Variants in PAX8 observed in about 807,000 individuals in gnomAD.
PAX8 encodes the protein paired box protein Pax-8.
PAX8 carries 15 observed loss-of-function variants against 52.4 expected under a neutral mutation model. The observed-to-expected ratio is 0.29, with a 90% CI of 0.19 to 0.44. The LOEUF is 0.44. Ranked by LOEUF, PAX8 falls within the 20% of genes least tolerant of loss-of-function variation. PAX8 has a pLI of 1.00. For missense variants in PAX8, 554 were observed against 602.5 expected, an observed-to-expected ratio of 0.92 and a Z score of 0.84; for synonymous variants, 284 against 249.7, an observed-to-expected ratio of 1.14 and a Z score of -1.29.
At chr2:113,242,900 C>T in intron 4 of PAX8, 122 bp from the exon 5 acceptor site, 1 of 737,770 alleles carries the variant, frequency 1.4e-6, no homozygotes, top group South Asian at 1.4e-5. Context: ...TGAAACTCAA[C>T]TGTCCACAGT....
chr2:113,277,031 A>G (rs1214366771), intron 2 of PAX8, among the ~76,000 whole-genome samples: 2 of 152,228 alleles, frequency 1.3e-5, no homozygotes, highest in African/African-American at 4.8e-5. Flanking sequence ...TCGTGGTTCC[A>G]GGACGCGGAC....
Position 113,246,867 on chromosome 2 carries a change from C to G in PAX8, c.78G>C (p.Leu26=). The G allele has an allele frequency of 6.2e-7, 1 of 1,614,190 alleles. No homozygotes were observed. Among genetic ancestry groups the G allele is most frequent in the Non-Finnish European group, 8.5e-7 (1 of 1,179,994 alleles). ...LGGAFVNGRP[L]PEVVRQRIVD... is the part of the protein sequence containing the mutation. ...CGATGCGCTGGCGGACCACTTCCGG[C>G]AGAGGTCTGCCATTCACAAAGGCCC... The change falls in exon 3 of 12, where the codon CTG becomes CTC. Residue 26 remains leucine (L), a synonymous_variant. Coordinates refer to ENST00000429538, the MANE Select transcript of PAX8 (RefSeq NM_003466.4).
intron 2 of PAX8, among the ~76,000 whole-genome samples, chr2:113,253,854 G>T (rs78540684): frequency 6.6e-6 from 1 of 152,084 alleles, no homozygotes; most frequent in Non-Finnish European, 1.5e-5. Context: ...GAGGAATTTT[G>T]GGGGGACTGG....
chr2:113,237,034 A>AGCGT, intron 7 of PAX8: 1 of 407,958 alleles, frequency 2.5e-6, no homozygotes, highest in Non-Finnish European at 4.5e-6. Context: ...GTTGGGACCC[A>AGCGT]CAGAATGCAG....
Position 113,230,171 on chromosome 2 carries a change from T to C in PAX8, c.1088-2915A>G, listed in dbSNP as rs145890970. ...CTGCCATGATCGGGGTGGGGAGCAG[T>C]GGGAGGTGGTCTTGACTCTCAGGTC... is the stretch of plus-strand genomic sequence containing the variant. On this transcript the variant is annotated intron_variant, in intron 9 of 11. Coordinates refer to ENST00000429538, the MANE Select transcript of PAX8 (RefSeq NM_003466.4). Among the ~76,000 whole-genome samples, 14 of 152,314 alleles carry C rather than the reference T, an allele frequency of 9.2e-5. No individual in the cohort carries two copies. In the East Asian group the frequency reaches 2.7e-3, roughly 29 times the overall value.
intron 7 of PAX8, chr2:113,241,173 A>G: frequency 5.3e-6 from 2 of 377,852 alleles, no homozygotes; most frequent in Non-Finnish European, 1.0e-5. Context: ...TGAGTGGCCA[A>G]AGGTGGGGCT....
intron 2 of PAX8, among the ~76,000 whole-genome samples, chr2:113,248,611 T>C (rs1244375114): frequency 6.6e-6 from 1 of 152,170 alleles, no homozygotes; most frequent in Non-Finnish European, 1.5e-5. Flanking sequence ...TGCCTTGCAA[T>C]GTCTCCTCAG....
chr2:113,265,194 C>T (rs571307939), intron 2 of PAX8, among the ~76,000 whole-genome samples: 9 of 152,104 alleles, frequency 5.9e-5, no homozygotes, highest in African/African-American at 1.9e-4. Flanking sequence ...ATAAAATCAC[C>T]GCAAAACCTG....
chr2:113,278,481 C>A lies in PAX8; in HGVS notation c.-75-12G>T, dbSNP rs1179229494. ...CGCCTGCCGCTGCCCTGCACAAACCCAGGAGAAGGGCATGAGATGCGATGA... is the reference window on the plus strand; with the variant it reads ...CGCCTGCCGCTGCCCTGCACAAACCAAGGAGAAGGGCATGAGATGCGATGA... On this transcript the variant is annotated splice_polypyrimidine_tract_variant and intron_variant, in intron 1 of 11. Transcript: ENST00000429538. The A allele has an allele frequency of 8.2e-6, 13 of 1,590,408 alleles. No individual in the cohort carries two copies. The highest frequency in any genetic ancestry group is 1.3e-5 in the African/African-American group (1 of 74,654).
In PAX8 at chr2:113,235,390, G is replaced by A. The variant is rs111481416; in HGVS notation, c.1087+4C>T. ...TGCATGGCCCCGGGACCTCCCTGTC[G>A]TACCTGAGAGGAGGGCCTGGCCCGT... On this transcript the variant is annotated splice_donor_region_variant and intron_variant, in intron 9 of 11. Coordinates refer to ENST00000429538, the MANE Select transcript of PAX8 (RefSeq NM_003466.4). 1.3e-3 allele frequency: 1,971 copies of A among 1,569,288 alleles called. 22 individuals are homozygous for A. The African/African-American group carries it at 0.018, about 15-fold the overall frequency.
At position 113,220,097 on chromosome 2, in the gene PAX8, A is replaced by C. The variant is rs751042114; in HGVS notation, c.1271T>G (p.Leu424Trp). ...GGGCAGCCCCAGGGACTTACTCAGC[A>C]AGCTGGAGTTGGGGAAGCGCCAGGC... ...SEAWRFPNSS[L>W]LSSPYYYSST... Residue 424 changes from leucine to tryptophan, a missense_variant, in exon 11 of 12, where the codon TTG (leucine) becomes TGG (tryptophan). Around this residue, in one of 2 missense-constraint regions of PAX8, gnomAD observed 445 missense variants for 409.9 expected, o/e 1.09. Transcript: ENST00000429538. 3.1e-6 allele frequency: 5 copies of C among 1,612,746 alleles called. No individual in the cohort carries two copies. Among genetic ancestry groups the C allele is most frequent in the Non-Finnish European group, 4.2e-6 (5 of 1,179,088 alleles).
chr2:113,244,967 C>T (rs1203036601), intron 3 of PAX8, among the ~76,000 whole-genome samples: 1 of 151,900 alleles, frequency 6.6e-6, no homozygotes, highest in Non-Finnish European at 1.5e-5. Context: ...CTTGGTGTGC[C>T]TGATGTGTGA....
intron 7 of PAX8, chr2:113,240,474 G>A (rs183912350): frequency 6.6e-6 from 1 of 152,376 alleles, no homozygotes; most frequent in African/African-American, 2.4e-5. Flanking sequence ...GGCAAAGAGG[G>A]GCAACAGACC....
At position 113,218,484 on chromosome 2, in the gene PAX8, C is replaced by G; in HGVS notation, c.*49G>C. Reference sequence around the variant, plus strand: ...TTGTGTGACTCTCTGGGGCCTGTCCCAGGCTGAGTCCTCCTGTTGCTCAGT... The same window carrying G: ...TTGTGTGACTCTCTGGGGCCTGTCCGAGGCTGAGTCCTCCTGTTGCTCAGT... On this transcript the variant is annotated 3_prime_UTR_variant, in exon 12 of 12. Transcript: ENST00000429538. 3 of 1,154,464 alleles carry G rather than the reference C, an allele frequency of 2.6e-6. No homozygotes were observed. The highest frequency in any genetic ancestry group is 2.5e-6 in the Non-Finnish European group (2 of 809,640). 71.5% of individuals were successfully genotyped at this position (1,154,464 alleles called of 1,614,324 possible). A position where few individuals can be genotyped will look rare whatever the true frequency, so the allele number is the denominator to read the frequency against.
rs752166261 is a variant in PAX8, at chr2:113,220,191, C to A, written c.1190-13G>T. The A allele has an allele frequency of 6.2e-7, 1 of 1,603,814 alleles. No individual in the cohort carries two copies. Among genetic ancestry groups the A allele is most frequent in the Admixed American group, 1.7e-5 (1 of 59,982 alleles). ...GAGTATTCACTTCCTGTTGGAGGCA[C>A]ACAGGGGAGAGGCCTGTGAGGTGAA... On this transcript the variant is annotated splice_polypyrimidine_tract_variant and intron_variant, in intron 10 of 11. Transcript: ENST00000429538.
intron 10 of PAX8, chr2:113,226,669 GTCATCATCATCA>G (rs34633676): frequency 5.7e-6 from 6 of 1,057,474 alleles, no homozygotes; most frequent in African/African-American, 3.3e-5. Flanking sequence ...CATCGTCATC[GTCATCATCATCA>G]TCATCATCAT....
intron 5 of PAX8, 150 bp from the exon 6 acceptor site, chr2:113,242,280 G>T: frequency 1.5e-6 from 1 of 656,706 alleles, no homozygotes; most frequent in South Asian, 1.8e-5. Flanking sequence ...TACAGCCCTG[G>T]GGTGACTCTG....
chr2:113,227,207 G>A lies in PAX8; in HGVS notation c.1137C>T (p.Pro379=), dbSNP rs778792997. The A allele has an allele frequency of 6.2e-7, 1 of 1,610,872 alleles. No individual in the cohort carries two copies. Among genetic ancestry groups the A allele is most frequent in the Non-Finnish European group, 8.5e-7 (1 of 1,178,946 alleles). ...AGGCATAGCTGCCCTGTCCGCTGGT[G>A]GGGATGTGGGGTGGGTATCCGGGCA... ...PTLPGYPPHI[P]TSGQGSYASS... Residue 379 remains proline (P), a synonymous_variant, in exon 10 of 12, where the codon CCC becomes CCT. Transcript: ENST00000429538.
chr2:113,227,988 C>T (rs1398991447), intron 9 of PAX8, among the ~76,000 whole-genome samples: 2 of 152,190 alleles, frequency 1.3e-5, no homozygotes, highest in African/African-American at 4.8e-5. Context: ...TTTAGCAAAA[C>T]AGACACCAAT....
Sources: allele counts gnomAD v4.1 joint callset (sites outside exome capture counted in the v4.1 genomes callset), GRCh38; gene constraint gnomAD v4.1.1; regional missense constraint gnomAD v4.1.1; transcripts MANE v1.5; gene names NCBI Gene and HGNC (gene_info 2026-07-23, HGNC 2026-07-21).